EVC2: variants seen among roughly 807,000 people sequenced by gnomAD.
EVC2 encodes limbin.
In EVC2, 148 loss-of-function variants were observed where a neutral mutation model predicts 149.3. The observed-to-expected ratio is 0.99, with a 90% CI of 0.87 to 1.14. EVC2 has a LOEUF of 1.14. EVC2 is among the 50% of genes most tolerant of loss of function. The pLI is 0.00. For synonymous variants in EVC2, 776 were observed against 649.9 expected, an observed-to-expected ratio of 1.19 and a Z score of -2.95; for missense variants, 1,854 against 1,627.3, an observed-to-expected ratio of 1.14 and a Z score of -2.40.
In EVC2 at chr4:5,640,226, G is replaced by A. The variant is rs542988751; in HGVS notation, c.1470+288C>T. ...AGATGGATGTGTAGATGGACAGATG[G>A]GTGAATGAGTGGGTGGATGAATGGA... On this transcript the variant is annotated intron_variant, in intron 10 of 21. Transcript: ENST00000344408. The surrounding 1 kb of genome is among the most constrained non-coding windows in gnomAD (Gnocchi z 4.6). Among the ~76,000 whole-genome samples, 1 of 151,850 alleles carries A rather than the reference G, an allele frequency of 6.6e-6. No individual in the cohort carries two copies. Among genetic ancestry groups the A allele is most frequent in the Non-Finnish European group, 1.5e-5 (1 of 67,960 alleles).
intron 9 of EVC2, among the ~76,000 whole-genome samples, chr4:5,649,293 A>T (rs1717948411): frequency 6.6e-6 from 1 of 152,218 alleles, no homozygotes; most frequent in Non-Finnish European, 1.5e-5. Flanking sequence ...CTACATATGC[A>T]AACTGTACAA....
At position 5,562,574 on chromosome 4, in the gene EVC2, T is replaced by G; in HGVS notation, c.*274A>C. On this transcript the variant is annotated 3_prime_UTR_variant, in exon 22 of 22. Transcript: ENST00000344408. This position sits in a 1 kb window ranked among gnomAD's most constrained non-coding sequence, Gnocchi z 4.3. ...TCTGCAGCAGAGGATGGGGTGTGGA[T>G]TGCAGGGTGGGGGTCTCCTCCAGGG... is the stretch of plus-strand genomic sequence containing the variant. 7.4e-7 allele frequency: 1 copy of G among 1,344,780 alleles called. No individual in the cohort carries two copies. Among genetic ancestry groups the G allele is most frequent in the Non-Finnish European group, 9.6e-7 (1 of 1,044,568 alleles). 83.3% of individuals were successfully genotyped at this position (1,344,780 alleles called of 1,614,324 possible). A position where few individuals can be genotyped will look rare whatever the true frequency, so the allele number is the denominator to read the frequency against.
At chr4:5,631,631 C>T (rs907678733) in intron 11 of EVC2, among the ~76,000 whole-genome samples, 162 bp downstream of exon 11, 7 of 152,026 alleles carry the variant, frequency 4.6e-5, no homozygotes, top group Non-Finnish European at 4.4e-5. Flanking sequence ...TCCAAGCCAC[C>T]ATTTTCCCTG....
intron 16 of EVC2, among the ~76,000 whole-genome samples, chr4:5,611,626 A>C (rs926812419): frequency 3.9e-5 from 6 of 152,228 alleles, no homozygotes; most frequent in African/African-American, 7.2e-5. Context: ...AAAAGTGGTA[A>C]TGTGAGATAT....
chr4:5,584,736 G>A lies in EVC2; in HGVS notation c.2944C>T (p.Leu982=), dbSNP rs927421145. The A allele has an allele frequency of 8.1e-6, 13 of 1,614,202 alleles. No individual in the cohort carries two copies. Among genetic ancestry groups the A allele is most frequent in the East Asian group, 2.2e-5 (1 of 44,866 alleles). The change falls in exon 17 of 22, where the codon CTG becomes TTG. Residue 982 remains leucine (L), a synonymous_variant. Transcript: ENST00000344408. ...FQKASRVTET[L]SAYTALLSIQ... is the part of the protein sequence containing the mutation. The stretch of plus-strand genomic sequence containing the variant: ...CTGAGGAGGGCGGTGTAGGCCGACA[G>A]AGTCTCGGTCACCCGGGACGCCTTC...
chr4:5,584,972 T>C (rs955099596), intron 16 of EVC2, 122 bp from the exon 17 acceptor site: 15 of 1,062,866 alleles, frequency 1.4e-5, no homozygotes, highest in Non-Finnish European at 1.8e-5. Flanking sequence ...AAGTTTACAA[T>C]GGAGACGCAC....
At chr4:5,600,552 G>C (rs964543649) in intron 16 of EVC2, among the ~76,000 whole-genome samples, 6 of 152,178 alleles carry the variant, frequency 3.9e-5, no homozygotes, top group Admixed American at 2.6e-4. Context: ...TGGGGGAAAT[G>C]AGAGAGGAAA....
At chr4:5,591,120 C>T (rs1159204544) in intron 16 of EVC2, among the ~76,000 whole-genome samples, 2 of 152,142 alleles carry the variant, frequency 1.3e-5, no homozygotes, top group African/African-American at 4.8e-5. Context: ...CATGAAGGGG[C>T]ATGAAGCTCA....
At chr4:5,538,973 T>C (rs1721465685), downstream of EVC2, among the ~76,000 whole-genome samples, 1 of 152,048 alleles carries the variant, frequency 6.6e-6, no homozygotes, top group Non-Finnish European at 1.5e-5. Flanking sequence ...GAAAAAGAAA[T>C]AAAAAGCATT....
intron 16 of EVC2, among the ~76,000 whole-genome samples, chr4:5,589,649 C>T (rs188140135): frequency 1.0e-3 from 154 of 148,838 alleles, no homozygotes; most frequent in Non-Finnish European, 1.6e-3. Flanking sequence ...GGGACAATGA[C>T]GGGGTGAATT....
At chr4:5,537,918 A>G (rs1721449808), downstream of EVC2, among the ~76,000 whole-genome samples, 1 of 152,186 alleles carries the variant, frequency 6.6e-6, no homozygotes, top group African/African-American at 2.4e-5. Flanking sequence ...TAAGCCAAAT[A>G]AAGGAAACAA....
At position 5,681,266 on chromosome 4, in the gene EVC2, GTTTTC is replaced by G; in HGVS notation, c.859_863del (p.Glu287ArgfsTer52). The G allele has an allele frequency of 2.5e-6, 4 of 1,614,170 alleles. No individual in the cohort carries two copies. Among genetic ancestry groups the G allele is most frequent in the Non-Finnish European group, 3.4e-6 (4 of 1,180,008 alleles). The stretch of plus-strand genomic sequence containing the variant: ...GGCATGTCATGTCTCTTACCGTTAC[GTTTTC>G]TTCTGCTGTTATGGAAAAAAGCACT... On this transcript the variant is annotated frameshift_variant, in exon 7 of 22. Transcript: ENST00000344408. LOFTEE classifies it high-confidence loss of function.
In EVC2 at chr4:5,694,413, A is replaced by C; in HGVS notation, c.372T>G (p.Ala124=). 6.2e-7 allele frequency: 1 copy of C among 1,614,204 alleles called. No homozygotes were observed. Among genetic ancestry groups the C allele is most frequent in the Non-Finnish European group, 8.5e-7 (1 of 1,180,026 alleles). ...STSAASSGPW[A]HSLFAFIPSW... ...AGGGTATAAAAGCAAATAAGGAATG[A>C]GCCCATGGCCCACTAGAGGCTGCAG... is the stretch of plus-strand genomic sequence containing the variant. The change falls in exon 3 of 22, where the codon GCT becomes GCG. Residue 124 remains alanine, a synonymous_variant. Coordinates refer to ENST00000344408, the MANE Select transcript of EVC2 (RefSeq NM_147127.5).
At chr4:5,566,662 T>C (rs1722308974) in intron 20 of EVC2, among the ~76,000 whole-genome samples, 1 of 152,182 alleles carries the variant, frequency 6.6e-6, no homozygotes, top group Non-Finnish European at 1.5e-5. Flanking sequence ...CCAGGCTGCC[T>C]GGCCATGAGG....
chr4:5,653,575 C>T (rs1718292240), intron 9 of EVC2, among the ~76,000 whole-genome samples: 1 of 152,176 alleles, frequency 6.6e-6, no homozygotes, highest in Non-Finnish European at 1.5e-5. Context: ...AAAGTCTTTT[C>T]CTCTGGACAG....
At chr4:5,628,265 T>C (rs984934740) in intron 12 of EVC2, among the ~76,000 whole-genome samples, 9 of 151,906 alleles carry the variant, frequency 5.9e-5, no homozygotes, top group Non-Finnish European at 1.5e-5. Flanking sequence ...TACGAGATGA[T>C]TAGGTCATGA....
At chr4:5,535,834 G>A in the EVC2 span, among the ~76,000 whole-genome samples, 1 of 152,138 alleles carries the variant, frequency 6.6e-6, no homozygotes, top group Admixed American at 6.5e-5. This position sits in a 1 kb window ranked among gnomAD's most constrained non-coding sequence, Gnocchi z 4.7. Flanking sequence ...AAATCATTAG[G>A]AGGGATATTT....
At chr4:5,585,619 T>C (rs1712212377) in intron 16 of EVC2, among the ~76,000 whole-genome samples, 1 of 152,192 alleles carries the variant, frequency 6.6e-6, no homozygotes, top group Admixed American at 6.5e-5. Context: ...ATAACTTCTT[T>C]ATAATAACCT....
chr4:5,594,229 A>G (rs1713147504), intron 16 of EVC2, among the ~76,000 whole-genome samples: 1 of 152,210 alleles, frequency 6.6e-6, no homozygotes, highest in Admixed American at 6.5e-5. Flanking sequence ...TGGTTCTCCC[A>G]GCACGCAGCT....
Sources: allele counts gnomAD v4.1 joint callset (sites outside exome capture counted in the v4.1 genomes callset), GRCh38; gene constraint gnomAD v4.1.1; non-coding constraint Gnocchi (gnomAD v3.1); transcripts MANE v1.5; gene names NCBI Gene and HGNC (gene_info 2026-07-23, HGNC 2026-07-21).